The following ARAP2 variants were observed in gnomAD, a reference collection of about 807,000 sequenced individuals.
ARAP2 encodes ArfGAP with RhoGAP domain, ankyrin repeat and PH domain 2, also known as arf-GAP with Rho-GAP domain, ANK repeat and PH domain-containing protein 2.
In ARAP2, 148 loss-of-function variants were observed where a neutral mutation model predicts 194.5. The ratio of observed to expected loss-of-function variants is 0.76; its 90% CI spans 0.67 to 0.87. The LOEUF (loss-of-function observed/expected upper bound fraction) is 0.87. Among genes scored for constraint, ARAP2 ranks in the 40% least tolerant of loss-of-function variants. The probability of loss-of-function intolerance (pLI) is 0.00; values close to 1 mark genes in which losing one functional copy is unlikely to be tolerated. For synonymous variants in ARAP2, 695 were observed against 683.5 expected (o/e 1.02, Z -0.26); for missense variants, 2,128 against 1,989.7 (o/e 1.07, Z -1.32).
intron 25 of ARAP2, 64 bp downstream of exon 25, chr4:36,116,997 T>C (rs1721510521): frequency 6.4e-6 from 7 of 1,097,244 alleles, no homozygotes; most frequent in South Asian, 5.8e-5. Context: ...ATTCAAAATA[T>C]ATAAAATAAT....
chr4:36,167,703 T>C (rs1217246297), intron 9 of ARAP2, among the ~76,000 whole-genome samples: 1 of 152,202 alleles, frequency 6.6e-6, no homozygotes, highest in Non-Finnish European at 1.5e-5. Flanking sequence ...TAAAAGCTCC[T>C]CTAATGCTAC....
intron 15 of ARAP2, among the ~76,000 whole-genome samples, chr4:36,158,192 C>T (rs987197033): frequency 7.2e-5 from 11 of 152,096 alleles, no homozygotes; most frequent in Non-Finnish European, 1.5e-4. Context: ...TGTAACTCTG[C>T]TCAGATAATT....
chr4:36,241,770 C>T (rs1320175852), intron 1 of ARAP2, among the ~76,000 whole-genome samples: 1 of 152,056 alleles, frequency 6.6e-6, no homozygotes, highest in Non-Finnish European at 1.5e-5. Flanking sequence ...CCCTAATTTC[C>T]ACATGGTTTT....
intron 5 of ARAP2, among the ~76,000 whole-genome samples, chr4:36,036,493 C>A (rs1040630677): frequency 6.6e-6 from 1 of 151,860 alleles, no homozygotes; most frequent in Non-Finnish European, 1.5e-5. Context: ...AAGAAATATT[C>A]TTAGTCAATG....
chr4:36,212,361 T>C lies in ARAP2; in HGVS notation c.1133+35A>G, dbSNP rs184830296. 8 of 1,500,150 alleles carry C rather than the reference T, an allele frequency of 5.3e-6. No homozygotes were observed. In the African/African-American group the frequency reaches 9.7e-5, roughly 18 times the overall value. The allele number at this position is 1,500,150 out of a possible 1,614,324, so 92.9% of individuals were successfully genotyped here. A position where few individuals can be genotyped will look rare whatever the true frequency, so the allele number is the denominator to read the frequency against. ...GTCAACATTGTATAACAGTTTATTC[T>C]AAATAGTTAATCATCATCAATCATG... On this transcript the variant is annotated intron_variant, in intron 5 of 32. Coordinates refer to ENST00000303965, the MANE Select transcript of ARAP2 (RefSeq NM_015230.4).
chr4:36,229,475 G>T lies in ARAP2; in HGVS notation c.12C>A (p.Val4=). MSS[V]SEVNVDIKDF... ...CTTTTATATCCACATTTACTTCACT[G>T]ACTGAGGACATAATGGTGGCTTCAT... The change falls in exon 2 of 33, where the codon GTC becomes GTA. Residue 4 remains valine, a synonymous_variant. Transcript: ENST00000303965. The T allele has an allele frequency of 6.2e-7, 1 of 1,606,624 alleles. No homozygotes were observed. Among genetic ancestry groups the T allele is most frequent in the South Asian group, 1.1e-5 (1 of 90,024 alleles).
At chr4:36,043,676 C>A (rs1268764617) in intron 5 of ARAP2, among the ~76,000 whole-genome samples, 1 of 151,506 alleles carries the variant, frequency 6.6e-6, no homozygotes, top group Non-Finnish European at 1.5e-5. Flanking sequence ...TCATGTAAAC[C>A]CAGGAGTTCG....
intron 15 of ARAP2, among the ~76,000 whole-genome samples, chr4:36,153,098 T>A (rs1731399582): frequency 6.6e-6 from 1 of 152,234 alleles, no homozygotes; most frequent in South Asian, 2.1e-4. Context: ...AAAGGGTATG[T>A]ACAAACTCAT....
chr4:36,125,054 C>T (rs970457689), intron 21 of ARAP2, 87 bp from the exon 22 acceptor site: 2 of 783,082 alleles, frequency 2.6e-6, no homozygotes, highest in Non-Finnish European at 4.2e-6. Context: ...AAAACAGTCA[C>T]AAACAAATGC....
At chr4:36,075,982 CGTCACATGTG>C (rs1359756752) in intron 31 of ARAP2, among the ~76,000 whole-genome samples, 12 of 152,092 alleles carry the variant, frequency 7.9e-5, no homozygotes, top group African/African-American at 2.9e-4. Context: ...ACCCTGCCTG[CGTCACATGTG>C]GTGATCTCAC....
intron 32 of ARAP2, among the ~76,000 whole-genome samples, chr4:36,072,527 G>A (rs1045173293): frequency 6.6e-6 from 1 of 151,892 alleles, no homozygotes; most frequent in African/African-American, 2.4e-5. Context: ...GTCACTGTAG[G>A]GCGTATCTCT....
At chr4:36,173,725 T>C (rs1167086302) in intron 9 of ARAP2, among the ~76,000 whole-genome samples, 1 of 152,154 alleles carries the variant, frequency 6.6e-6, no homozygotes, top group Non-Finnish European at 1.5e-5. Context: ...AAAACAGCTA[T>C]AAATGATCAT....
At chr4:36,032,272 A>G (rs980944926) in intron 5 of ARAP2, among the ~76,000 whole-genome samples, 1 of 152,210 alleles carries the variant, frequency 6.6e-6, no homozygotes, top group Non-Finnish European at 1.5e-5. Flanking sequence ...TCAGATGTCA[A>G]GGGTAAGAGA....
chr4:36,046,119 G>A (rs1392073515), intron 4 of ARAP2: 1 of 152,078 alleles, frequency 6.6e-6, no homozygotes, highest in Non-Finnish European at 1.5e-5. Flanking sequence ...TTGTAAACTA[G>A]GCATATATTG....
In ARAP2 at chr4:36,109,520, G is replaced by A. The variant is rs10440312; in HGVS notation, c.4157-1827C>T. Among the ~76,000 whole-genome samples, 1,171 of 151,932 alleles carry A rather than the reference G, an allele frequency of 7.7e-3. 12 individuals carry two copies. The highest frequency in any genetic ancestry group is 0.026 in the African/African-American group (1,096 of 41,482). ...ATCATAAAGCCAGATAAAATCTTTT[G>A]TGCTATGTCAATATTACTTTTCTTC... On this transcript the variant is annotated intron_variant, in intron 26 of 32. Transcript: ENST00000303965.
chr4:36,096,078 G>C (rs922805946), intron 27 of ARAP2, among the ~76,000 whole-genome samples: 1 of 151,846 alleles, frequency 6.6e-6, no homozygotes, highest in African/African-American at 2.4e-5. Flanking sequence ...AAAAAAATTA[G>C]TCTTTCCAGG....
chr4:36,185,641 A>T (rs936177426), intron 8 of ARAP2, among the ~76,000 whole-genome samples: 3 of 152,134 alleles, frequency 2.0e-5, no homozygotes, highest in Non-Finnish European at 2.9e-5. Flanking sequence ...TTAACACTGT[A>T]GTCATTTCCA....
Position 36,143,080 on chromosome 4 carries a change from T to C in ARAP2, c.3263+4216A>G, listed in dbSNP as rs73809134. On this transcript the variant is annotated intron_variant, in intron 19 of 32. Coordinates refer to ENST00000303965, the MANE Select transcript of ARAP2 (RefSeq NM_015230.4). ...ACACAAACATATGTTTATGTGTCTA[T>C]GTAAATAAGTAGATATGAGACTCTG... Among the ~76,000 whole-genome samples, 966 of 151,864 alleles carry C rather than the reference T, an allele frequency of 6.4e-3. 12 individuals carry two copies. The highest frequency in any genetic ancestry group is 0.022 in the African/African-American group (913 of 41,500).
chr4:36,033,432 A>C (rs1289982953), intron 5 of ARAP2, among the ~76,000 whole-genome samples: 1 of 151,510 alleles, frequency 6.6e-6, no homozygotes, highest in Non-Finnish European at 1.5e-5. Flanking sequence ...ATGCTTGTTG[A>C]CAAGTATGTC....
Sources: allele counts gnomAD v4.1 joint callset (sites outside exome capture counted in the v4.1 genomes callset), GRCh38; gene constraint gnomAD v4.1.1; transcripts MANE v1.5; gene names NCBI Gene and HGNC (gene_info 2026-07-23, HGNC 2026-07-21).